The following C1orf185 variants were observed in gnomAD, a reference collection of about 807,000 sequenced individuals.
C1orf185 encodes uncharacterized protein C1orf185.
C1orf185 carries 13 observed loss-of-function variants against 16.1 expected under a neutral mutation model. That is an observed-to-expected ratio of 0.81 (90% CI 0.53 to 1.28). C1orf185 has a LOEUF of 1.28. C1orf185 is among the 50% of genes most tolerant of loss of function. The probability of loss-of-function intolerance (pLI) is 0.00; values close to 1 mark genes in which losing one functional copy is unlikely to be tolerated. For synonymous variants in C1orf185, 80 were observed against 76.9 expected, an observed-to-expected ratio of 1.04 and a Z score of -0.21; for missense variants, 220 against 225.2, an observed-to-expected ratio of 0.98 and a Z score of 0.15.
rs1646408460 is a variant in C1orf185 at position 51,147,491 on chromosome 1, A to G, written c.320A>G (p.Glu107Gly). Residue 107 changes from glutamate (E) to glycine (G), a missense_variant, in exon 5 of 5, where the codon GAA (glutamate) becomes GGA (glycine). Physicochemically the swap from Glu to Gly is moderately conservative, Grantham distance 98. Transcript: ENST00000371759. ...IKAIKDHSKD[E>G]PQLATKNIIC... ...GCAATTAAAGATCATTCTAAAGATGAACCCCAACTTGCAACAAAAAATATC... is the reference window on the plus strand; with the variant it reads ...GCAATTAAAGATCATTCTAAAGATGGACCCCAACTTGCAACAAAAAATATC... 3 of 1,539,828 alleles carry G rather than the reference A, an allele frequency of 1.9e-6. No individual in the cohort carries two copies. The highest frequency in any genetic ancestry group is 1.8e-6 in the Non-Finnish European group (2 of 1,142,718).
intron 2 of C1orf185, among the ~76,000 whole-genome samples, chr1:51,116,520 T>G (rs58311118): frequency 0.077 from 11,636 of 151,954 alleles, 1,346 homozygotes; most frequent in African/African-American, 0.25. Context: ...TGCTATGTTG[T>G]CCAGGTTGAT....
rs544428273 is a variant in C1orf185, at chr1:51,143,401, C to T, written c.259-2323C>T. 2.1e-4 allele frequency among the ~76,000 whole-genome samples: 32 copies of T among 152,238 alleles called. 1 individual carries two copies. The South Asian group carries it at 4.6e-3, about 22-fold the overall frequency. On this transcript the variant is annotated intron_variant, in intron 3 of 4. Coordinates refer to ENST00000371759, the MANE Select transcript of C1orf185 (RefSeq NM_001136508.2). Reference sequence around the variant, plus strand: ...TGTTATTTTATTACCACTACGGATTCGTGGATTTCTATTTCATTCAGCAGA... The same window carrying T: ...TGTTATTTTATTACCACTACGGATTTGTGGATTTCTATTTCATTCAGCAGA...
At chr1:51,103,436 C>CACACACACACAG (rs1257419986) in intron 1 of C1orf185, among the ~76,000 whole-genome samples, 2 of 150,086 alleles carry the variant, frequency 1.3e-5, no homozygotes, top group East Asian at 3.9e-4. Context: ...CACACACACA[C>CACACACACACAG]ACACACACAC....
Position 51,118,673 on chromosome 1 carries a change from T to C in C1orf185, c.130T>C (p.Phe44Leu). Residue 44 changes from phenylalanine (F) to leucine (L), a missense_variant, in exon 3 of 5, where the codon TTT becomes CTT. Coordinates refer to ENST00000371759, the MANE Select transcript of C1orf185 (RefSeq NM_001136508.2). ...WFLICKRREI[F>L]QNSKFKAIDE... ...TTATAAAATATTTTTCAGAGAAATA[T>C]TTCAAAATTCCAAATTTAAAGCAAT... The C allele has an allele frequency of 7.1e-7, 1 of 1,400,608 alleles. No individual in the cohort carries two copies. Among genetic ancestry groups the C allele is most frequent in the Non-Finnish European group, 9.5e-7 (1 of 1,057,322 alleles). The allele number at this position is 1,400,608 out of a possible 1,614,324, so 86.8% of individuals were successfully genotyped here.
intron 4 of C1orf185, among the ~76,000 whole-genome samples, 173 bp downstream of exon 4, chr1:51,145,933 A>G (rs1040265292): frequency 1.3e-5 from 2 of 152,178 alleles, no homozygotes; most frequent in South Asian, 4.1e-4. Flanking sequence ...TAGAAAAAAC[A>G]AAACTTGCAA....
chr1:51,111,706 G>A (rs1646121925), intron 1 of C1orf185, among the ~76,000 whole-genome samples: 1 of 152,182 alleles, frequency 6.6e-6, no homozygotes, highest in African/African-American at 2.4e-5. Flanking sequence ...TTTTAGTAGA[G>A]ACAGGGTTTC....
intron 3 of C1orf185, among the ~76,000 whole-genome samples, chr1:51,132,115 C>G (rs947198480): frequency 6.6e-6 from 1 of 152,150 alleles, no homozygotes; most frequent in African/African-American, 2.4e-5. Flanking sequence ...ATCCAAAGGT[C>G]AGCAACCTCA....
chr1:51,108,787 T>C (rs1646092139), intron 1 of C1orf185, among the ~76,000 whole-genome samples: 1 of 152,242 alleles, frequency 6.6e-6, no homozygotes, highest in Non-Finnish European at 1.5e-5. Context: ...ATTGTGTATA[T>C]ATACCACATT....
intron 1 of C1orf185, 36 bp downstream of exon 1, chr1:51,102,285 C>T: frequency 1.4e-6 from 1 of 707,418 alleles, no homozygotes; most frequent in South Asian, 1.5e-5. Context: ...TAGCTTTTTG[C>T]CTGGGAAGAA....
At chr1:51,121,886 A>G (rs1646200002) in intron 3 of C1orf185, among the ~76,000 whole-genome samples, 1 of 152,166 alleles carries the variant, frequency 6.6e-6, no homozygotes, top group Non-Finnish European at 1.5e-5. Flanking sequence ...TGAGTCTTAT[A>G]TATCTGTCAC....
chr1:51,115,814 A>G (rs79203824), intron 2 of C1orf185, among the ~76,000 whole-genome samples: 4,972 of 152,330 alleles, frequency 0.033, 135 homozygotes, highest in Non-Finnish European at 0.05. Flanking sequence ...TCTTGCACTA[A>G]CATGGAAGTA....
intron 3 of C1orf185, among the ~76,000 whole-genome samples, chr1:51,138,739 G>A (rs537497067): frequency 6.6e-6 from 1 of 152,056 alleles, no homozygotes; most frequent in East Asian, 1.9e-4. Flanking sequence ...CCAGGCTGTA[G>A]TGCAGTGGTG....
chr1:51,137,715 G>T (rs1288907371), intron 3 of C1orf185, among the ~76,000 whole-genome samples: 3 of 152,006 alleles, frequency 2.0e-5, no homozygotes, highest in Non-Finnish European at 4.4e-5. Flanking sequence ...TTACCCAAAG[G>T]AATATAAATT....
intron 4 of C1orf185, among the ~76,000 whole-genome samples, chr1:51,146,901 A>G (rs1405130127): frequency 6.6e-6 from 1 of 152,170 alleles, no homozygotes; most frequent in Non-Finnish European, 1.5e-5. Flanking sequence ...GTATTTTCTA[A>G]TACATGCTTA....
In C1orf185 at chr1:51,147,741, T is replaced by C. The variant is rs951075271; in HGVS notation, c.570T>C (p.Gly190=). 6.5e-7 allele frequency: 1 copy of C among 1,548,690 alleles called. No individual in the cohort carries two copies. Among genetic ancestry groups the C allele is most frequent in the Non-Finnish European group, 8.7e-7 (1 of 1,145,810 alleles). ...SYLSTISLEE[G]TESVLNDTL Reference sequence around the variant, plus strand: ...TGTCAACCATTTCATTAGAAGAGGGTACTGAAAGTGTACTGAATGACACTT... The same window carrying C: ...TGTCAACCATTTCATTAGAAGAGGGCACTGAAAGTGTACTGAATGACACTT... Residue 190 remains glycine, a synonymous_variant, in exon 5 of 5, where the codon GGT becomes GGC. Transcript: ENST00000371759.
chr1:51,146,384 A>G (rs1646400943), intron 4 of C1orf185, among the ~76,000 whole-genome samples: 2 of 151,636 alleles, frequency 1.3e-5, no homozygotes, highest in Admixed American at 1.3e-4. Context: ...TCTTGAACCC[A>G]GGAGGCGGAG....
In C1orf185 at chr1:51,147,775, T is replaced by A; in HGVS notation, c.*4T>A. 6.7e-7 allele frequency: 1 copy of A among 1,500,110 alleles called. No homozygotes were observed. Among genetic ancestry groups the A allele is most frequent in the Non-Finnish European group, 8.9e-7 (1 of 1,123,460 alleles). 92.9% of individuals were successfully genotyped at this position (1,500,110 alleles called of 1,614,324 possible). On this transcript the variant is annotated 3_prime_UTR_variant, in exon 5 of 5. Coordinates refer to ENST00000371759, the MANE Select transcript of C1orf185 (RefSeq NM_001136508.2). ...TGTACTGAATGACACTTTATGACCATCAAAAAGATGACTACATTAAGGGAA... is the reference window on the plus strand; with the variant it reads ...TGTACTGAATGACACTTTATGACCAACAAAAAGATGACTACATTAAGGGAA...
intron 4 of C1orf185, 45 bp from the exon 5 acceptor site, chr1:51,147,422 T>C (rs1376374371): frequency 7.0e-7 from 1 of 1,424,578 alleles, no homozygotes; most frequent in African/African-American, 1.4e-5. Flanking sequence ...TAATTAAGAG[T>C]TGGCTTGTGA....
chr1:51,147,131 A>G (rs1646405829), intron 4 of C1orf185, among the ~76,000 whole-genome samples: 2 of 152,178 alleles, frequency 1.3e-5, no homozygotes, highest in Admixed American at 1.3e-4. Flanking sequence ...CACAAATTGA[A>G]TAAGTGAAAA....
Sources: gnomAD v4.1 joint callset for allele counts (sites outside exome capture counted in the v4.1 genomes callset) on GRCh38, gnomAD v4.1.1 for gene constraint, MANE v1.5 for transcripts, NCBI Gene and HGNC (gene_info 2026-07-23, HGNC 2026-07-21) for gene names.